SENP7: variants seen among roughly 807,000 people sequenced by gnomAD.
The protein encoded by SENP7 is SUMO specific peptidase 7.
In SENP7, 64 loss-of-function variants were observed where a neutral mutation model predicts 141.2. That is an observed-to-expected ratio of 0.45 (90% confidence interval 0.37 to 0.56). The LOEUF is 0.56. Among genes scored for constraint, SENP7 ranks in the 20% least tolerant of loss-of-function variants. SENP7 has a pLI of 0.00. For synonymous variants in SENP7, 382 were observed against 426.4 expected (o/e 0.90, Z 1.28); for missense variants, 1,025 against 1,212.2 (o/e 0.85, Z 2.29).
intron 4 of SENP7, 88 bp from the exon 5 acceptor site, chr3:101,417,878 T>A: frequency 2.9e-6 from 3 of 1,041,530 alleles, no homozygotes; most frequent in Non-Finnish European, 4.3e-6. Context: ...CCAGAAACTG[T>A]AAACTTCAGT....
At chr3:101,401,937 T>C (rs2061155653) in intron 5 of SENP7, among the ~76,000 whole-genome samples, 1 of 149,396 alleles carries the variant, frequency 6.7e-6, no homozygotes, top group South Asian at 2.1e-4. Flanking sequence ...TGAGCCATGA[T>C]GACGCTAGCT....
At chr3:101,463,388 T>TAC (rs1210020756) in intron 3 of SENP7, among the ~76,000 whole-genome samples, 162 of 92,964 alleles carry the variant, frequency 1.7e-3, no homozygotes, top group African/African-American at 6.8e-3. Flanking sequence ...TATATATATA[T>TAC]ATATATATAC....
intron 1 of SENP7, among the ~76,000 whole-genome samples, chr3:101,504,423 C>T (rs919329034): frequency 4.0e-5 from 6 of 148,238 alleles, no homozygotes; most frequent in African/African-American, 1.2e-4. Context: ...CACACCATTG[C>T]ACTCCATCCT....
At chr3:101,346,757 G>C (rs1159679896) in intron 13 of SENP7, among the ~76,000 whole-genome samples, 1 of 151,892 alleles carries the variant, frequency 6.6e-6, no homozygotes. Context: ...GGCTCAGGGG[G>C]AAAGGGTAGG....
At chr3:101,439,256 C>A (rs1330495813) in intron 4 of SENP7, among the ~76,000 whole-genome samples, 2 of 103,374 alleles carry the variant, frequency 1.9e-5, no homozygotes, top group Admixed American at 1.0e-4. Context: ...CGTCTCTGCC[C>A]GGCCGCCCCG....
intron 3 of SENP7, among the ~76,000 whole-genome samples, chr3:101,476,943 GTTAT>G (rs570622137): frequency 8.5e-5 from 13 of 152,232 alleles, no homozygotes; most frequent in South Asian, 2.1e-4. Flanking sequence ...TTTTGATGGG[GTTAT>G]TTGTTTTTTT....
intron 3 of SENP7, among the ~76,000 whole-genome samples, chr3:101,490,577 T>C (rs1203130114): frequency 1.3e-5 from 2 of 152,166 alleles, no homozygotes; most frequent in Admixed American, 1.3e-4. Flanking sequence ...TTCTTTTGAT[T>C]TTTTTAAAAG....
At chr3:101,467,977 G>C (rs545281310) in intron 3 of SENP7, among the ~76,000 whole-genome samples, 1 of 152,246 alleles carries the variant, frequency 6.6e-6, no homozygotes, top group East Asian at 1.9e-4. Flanking sequence ...TTAGACAAAT[G>C]GCTAACTAGA....
intron 4 of SENP7, among the ~76,000 whole-genome samples, chr3:101,453,204 A>T (rs1401904737): frequency 6.6e-6 from 1 of 152,250 alleles, no homozygotes; most frequent in Non-Finnish European, 1.5e-5. Context: ...ATCATTAAAA[A>T]GTCAGGAAAC....
At chr3:101,457,422 A>G in intron 4 of SENP7, 2 of 1,552,944 alleles carry the variant, frequency 1.3e-6, no homozygotes, top group South Asian at 2.2e-5. Context: ...GATGTTGGGT[A>G]GCATTTCTGT....
chr3:101,471,411 C>T (rs2063989179), intron 3 of SENP7, among the ~76,000 whole-genome samples: 1 of 152,128 alleles, frequency 6.6e-6, no homozygotes, highest in African/African-American at 2.4e-5. Context: ...AAAGGATTCC[C>T]TATTTAATAA....
At chr3:101,395,098 T>G (rs1172144715) in intron 6 of SENP7, among the ~76,000 whole-genome samples, 2 of 152,206 alleles carry the variant, frequency 1.3e-5, no homozygotes, top group Non-Finnish European at 2.9e-5. Flanking sequence ...TTCTGGAAGT[T>G]GTCTCTTTAC....
intron 1 of SENP7, among the ~76,000 whole-genome samples, chr3:101,501,444 GT>G (rs2065374806): frequency 1.3e-5 from 2 of 152,126 alleles, no homozygotes; most frequent in South Asian, 4.1e-4. Flanking sequence ...CTCACACCTA[GT>G]AGTAGAACCA....
intron 10 of SENP7, among the ~76,000 whole-genome samples, chr3:101,362,388 T>C (rs1299703155): frequency 6.6e-6 from 1 of 152,196 alleles, no homozygotes; most frequent in Non-Finnish European, 1.5e-5. Flanking sequence ...AAATGCACGT[T>C]TCTCTCTCCA....
intron 17 of SENP7, chr3:101,333,316 G>T (rs1374218013): frequency 6.5e-6 from 1 of 154,116 alleles, no homozygotes; most frequent in African/African-American, 2.4e-5. Context: ...TGCTAAGGTA[G>T]GAGGATCACT....
chr3:101,446,818 T>C (rs545771912), intron 4 of SENP7, among the ~76,000 whole-genome samples: 4 of 152,150 alleles, frequency 2.6e-5, no homozygotes, highest in African/African-American at 7.2e-5. Flanking sequence ...AAAGTGGTTA[T>C]TTCAAATAAA....
At chr3:101,435,787 T>C (rs2062365396) in intron 4 of SENP7, among the ~76,000 whole-genome samples, 1 of 151,920 alleles carries the variant, frequency 6.6e-6, no homozygotes, top group Admixed American at 6.6e-5. Flanking sequence ...CACTAAAAAA[T>C]AGAAAATTAC....
chr3:101,336,862 T>C (rs1354649924), intron 17 of SENP7, among the ~76,000 whole-genome samples: 1 of 152,186 alleles, frequency 6.6e-6, no homozygotes, highest in African/African-American at 2.4e-5. Flanking sequence ...AAAAATCAGC[T>C]AAATTGTGCA....
chr3:101,440,976 A>T (rs972880373), intron 4 of SENP7, among the ~76,000 whole-genome samples: 30 of 152,314 alleles, frequency 2.0e-4, no homozygotes, highest in African/African-American at 6.7e-4. Flanking sequence ...TTAAGAATAG[A>T]AAGGAAATTC....
Sources: allele counts gnomAD v4.1 joint callset (sites outside exome capture counted in the v4.1 genomes callset), GRCh38; gene constraint gnomAD v4.1.1; transcripts MANE v1.5; gene names NCBI Gene and HGNC (gene_info 2026-07-23, HGNC 2026-07-21).